Variants in AFP observed in about 807,000 individuals in gnomAD.
AFP encodes alpha-fetoprotein.
Under a neutral mutation model 78.9 loss-of-function variants are expected in AFP, and 64 were observed. The ratio of observed to expected loss-of-function variants is 0.81; its 90% CI spans 0.66 to 1.00. The LOEUF (loss-of-function observed/expected upper bound fraction) is 1.00. Ranked by LOEUF, AFP falls within the 50% of genes least tolerant of loss-of-function variation. AFP has a pLI of 0.00. For missense variants in AFP, 689 were observed against 703.8 expected, an observed-to-expected ratio of 0.98 and a Z score of 0.24; for synonymous variants, 254 against 243.8, an observed-to-expected ratio of 1.04 and a Z score of -0.39.
intron 1 of AFP, among the ~76,000 whole-genome samples, 172 bp downstream of exon 1, chr4:73,436,519 G>C (rs1719510761): frequency 6.6e-6 from 1 of 151,726 alleles, no homozygotes; most frequent in African/African-American, 2.4e-5. Context: ...CTTTACAAGA[G>C]GTTTACAAAG....
intron 3 of AFP, among the ~76,000 whole-genome samples, chr4:73,440,334 AAAAAT>A: frequency 6.6e-6 from 1 of 152,222 alleles, no homozygotes; most frequent in Non-Finnish European, 1.5e-5. Flanking sequence ...CACAAAAAGG[AAAAAT>A]AAAATAATTC....
Position 73,455,640 on chromosome 4 carries a change from A to G in AFP, c.*20A>G. On this transcript the variant is annotated 3_prime_UTR_variant, in exon 15 of 15. Transcript: ENST00000395792. Reference sequence around the variant, plus strand: ...TTTGCTCATATTGCAGGGGAAGAGAAGACAAAACGAGTCTTTCATTCGGTG... The same window carrying G: ...TTTGCTCATATTGCAGGGGAAGAGAGGACAAAACGAGTCTTTCATTCGGTG... The G allele has an allele frequency of 1.4e-6, 1 of 695,328 alleles. No individual in the cohort carries two copies. The highest frequency in any genetic ancestry group is 1.5e-5 in the South Asian group (1 of 64,780). The allele number at this position is 695,328 out of a possible 1,614,324, so 43.1% of individuals were successfully genotyped here. A position where few individuals can be genotyped will look rare whatever the true frequency, so the allele number is the denominator to read the frequency against.
At chr4:73,454,445 C>T (rs1169639707) in intron 13 of AFP, among the ~76,000 whole-genome samples, 2 of 151,930 alleles carry the variant, frequency 1.3e-5, no homozygotes, top group African/African-American at 4.8e-5. Context: ...CTTTTTTCAG[C>T]TTTATTGAGG....
At position 73,440,598 on chromosome 4, in the gene AFP, A is replaced by G. The variant is rs1363503941; in HGVS notation, c.271-4A>G. The G allele has an allele frequency of 1.9e-6, 3 of 1,611,536 alleles. No individual in the cohort carries two copies. Among genetic ancestry groups the G allele is most frequent in the Admixed American group, 3.3e-5 (2 of 60,010 alleles). ...TTTCTCCAAACATAAAATATTTCTT[A>G]TAGCTACCTGCCTTTCTGGAAGAAC... On this transcript the variant is annotated splice_region_variant and splice_polypyrimidine_tract_variant and intron_variant, in intron 3 of 14. Transcript: ENST00000395792.
intron 4 of AFP, among the ~76,000 whole-genome samples, chr4:73,442,066 G>T (rs1157824733): frequency 6.6e-6 from 1 of 152,078 alleles, no homozygotes; most frequent in Admixed American, 6.6e-5. Flanking sequence ...ATAGAATCTG[G>T]TACCATCTGT....
In AFP at chr4:73,437,190, C is replaced by T; in HGVS notation, c.116C>T (p.Ala39Val). ...ASILDSYQCT[A>V]EISLADLATI... ...ATATTGGATTCTTACCAATGTACTGCAGAGATAAGTTTAGCTGACCTGTAA... is the reference window on the plus strand; with the variant it reads ...ATATTGGATTCTTACCAATGTACTGTAGAGATAAGTTTAGCTGACCTGTAA... The change falls in exon 2 of 15, where the codon GCA becomes GTA. Residue 39 changes from alanine (A) to valine (V), a missense_variant. Coordinates refer to ENST00000395792, the MANE Select transcript of AFP (RefSeq NM_001134.3). 2 of 1,611,072 alleles carry T rather than the reference C, an allele frequency of 1.2e-6. No homozygotes were observed. Among genetic ancestry groups the T allele is most frequent in the Non-Finnish European group, 8.5e-7 (1 of 1,177,744 alleles).
At chr4:73,436,880 A>C (rs913347917) in intron 1 of AFP, among the ~76,000 whole-genome samples, 2 of 151,968 alleles carry the variant, frequency 1.3e-5, no homozygotes, top group Non-Finnish European at 2.9e-5. Flanking sequence ...CTTTCAGGAC[A>C]GTTACAGCAC....
intron 1 of AFP, among the ~76,000 whole-genome samples, chr4:73,436,943 A>G (rs1319471669): frequency 6.6e-6 from 1 of 151,992 alleles, no homozygotes; most frequent in Non-Finnish European, 1.5e-5. Flanking sequence ...GATTTTAGTG[A>G]TAGGTCTACT....
chr4:73,442,429 G>T lies in AFP; in HGVS notation c.615+1G>T. 2 of 1,613,912 alleles carry T rather than the reference G, an allele frequency of 1.2e-6. No individual in the cohort carries two copies. The highest frequency in any genetic ancestry group is 1.7e-6 in the Non-Finnish European group (2 of 1,179,940). On this transcript the variant is annotated splice_donor_variant, in intron 5 of 14. Transcript: ENST00000395792. LOFTEE classifies it high-confidence loss of function. ...TGCAGTTGAATGCTTCCAAACAAAGGTATCATATTTGCGTGGATATCTGAA... is the reference window on the plus strand; with the variant it reads ...TGCAGTTGAATGCTTCCAAACAAAGTTATCATATTTGCGTGGATATCTGAA...
chr4:73,452,139 G>A (rs1720009864), intron 11 of AFP, among the ~76,000 whole-genome samples: 1 of 152,160 alleles, frequency 6.6e-6, no homozygotes, highest in African/African-American at 2.4e-5. Context: ...GTTTCAAATA[G>A]CTGACACAAA....
intron 8 of AFP, 104 bp downstream of exon 8, chr4:73,447,780 A>G: frequency 1.1e-6 from 1 of 951,908 alleles, no homozygotes; most frequent in Non-Finnish European, 1.6e-6. Context: ...TTTTGAGTTC[A>G]ATATGTGAGG....
intron 14 of AFP, 38 bp from the exon 15 acceptor site, chr4:73,455,593 T>C: frequency 2.9e-6 from 2 of 680,844 alleles, no homozygotes; most frequent in Non-Finnish European, 5.3e-6. Context: ...CACCTATTAG[T>C]TTAATTAGTA....
In AFP at chr4:73,453,741, ATTTTG is replaced by A; in HGVS notation, c.1653-14_1653-10del. On this transcript the variant is annotated intron_variant, in intron 12 of 14. Coordinates refer to ENST00000395792, the MANE Select transcript of AFP (RefSeq NM_001134.3). ...GCATTGCATAACAGACTTCTCTTGTATTTTGTTTTGTTTTAAATCACAGGTTTCTC... is the reference window on the plus strand; with the variant it reads ...GCATTGCATAACAGACTTCTCTTGTATTTTGTTTTAAATCACAGGTTTCTC... 6.2e-7 allele frequency: 1 copy of A among 1,611,758 alleles called. No individual in the cohort carries two copies. Among genetic ancestry groups the A allele is most frequent in the Non-Finnish European group, 8.5e-7 (1 of 1,178,500 alleles).
At chr4:73,446,750 T>C (rs1467811479) in intron 7 of AFP, among the ~76,000 whole-genome samples, 1 of 152,128 alleles carries the variant, frequency 6.6e-6, no homozygotes, top group African/African-American at 2.4e-5. Flanking sequence ...AGGGGCAAAT[T>C]TGAATGCTAA....
At chr4:73,441,252 G>A (rs1435272188) in intron 4 of AFP, among the ~76,000 whole-genome samples, 1 of 152,086 alleles carries the variant, frequency 6.6e-6, no homozygotes, top group Non-Finnish European at 1.5e-5. Flanking sequence ...CACAGACATG[G>A]CAAAGGTTTA....
At chr4:73,440,152 C>T (rs915292683) in intron 3 of AFP, among the ~76,000 whole-genome samples, 6 of 152,210 alleles carry the variant, frequency 3.9e-5, no homozygotes, top group Admixed American at 6.5e-5. Context: ...ACCTACCAAC[C>T]TGTTGCCTGG....
At position 73,450,093 on chromosome 4, in the gene AFP, G is replaced by A. The variant is rs751444406; in HGVS notation, c.1249G>A (p.Gly417Ser). The A allele has an allele frequency of 6.8e-6, 11 of 1,613,584 alleles. No individual in the cohort carries two copies. Among genetic ancestry groups the A allele is most frequent in the Admixed American group, 3.3e-5 (2 of 59,984 alleles). ...CCAAGCATTGGCAAAGCGAAGCTGC[G>A]GCCTCTTCCAGAAACTAGGAGAATA... Reference protein sequence around the residue: ...ESQALAKRSCGLFQKLGEYYL... With the variant: ...ESQALAKRSCSLFQKLGEYYL... Residue 417 changes from glycine to serine, a missense_variant, in exon 10 of 15, where the codon GGC (glycine) becomes AGC (serine). Gly to Ser is a moderately conservative substitution (Grantham distance 56, BLOSUM62 0). Transcript: ENST00000395792.
intron 14 of AFP, 161 bp from the exon 15 acceptor site, chr4:73,455,470 A>G (rs1720131103): frequency 1.5e-6 from 1 of 646,586 alleles, no homozygotes; most frequent in African/African-American, 1.8e-5. Flanking sequence ...TAGTGGCTCA[A>G]CTATGCAAAA....
At position 73,450,765 on chromosome 4, in the gene AFP, C is replaced by T; in HGVS notation, c.1428+12C>T. 6.2e-7 allele frequency: 1 copy of T among 1,613,778 alleles called. No individual in the cohort carries two copies. The highest frequency in any genetic ancestry group is 8.5e-7 in the Non-Finnish European group (1 of 1,179,974). On this transcript the variant is annotated intron_variant, in intron 11 of 14. Transcript: ENST00000395792. Reference sequence around the variant, plus strand: ...GTGGCGAGGGAGCGGTGAGTGTCTGCTTGGTTTGGTCCCATCTCATTTCTG... The same window carrying T: ...GTGGCGAGGGAGCGGTGAGTGTCTGTTTGGTTTGGTCCCATCTCATTTCTG...
Sources: gnomAD v4.1 joint callset for allele counts (sites outside exome capture counted in the v4.1 genomes callset) on GRCh38, gnomAD v4.1.1 for gene constraint, MANE v1.5 for transcripts, NCBI Gene and HGNC (gene_info 2026-07-23, HGNC 2026-07-21) for gene names.